NEDD9: variants seen among roughly 807,000 people sequenced by gnomAD.
NEDD9 encodes enhancer of filamentation 1.
In NEDD9, 26 loss-of-function variants were observed where a neutral mutation model predicts 76.6. That is an observed-to-expected ratio of 0.34 (90% confidence interval 0.25 to 0.47). The LOEUF (loss-of-function observed/expected upper bound fraction) is 0.47. NEDD9 is among the 20% of genes least tolerant of loss of function. The pLI, the probability that NEDD9 is intolerant of heterozygous loss-of-function variation, is 1.00. For missense variants in NEDD9, 937 were observed against 1,058.5 expected, an observed-to-expected ratio of 0.89 and a Z score of 1.59; for synonymous variants, 392 against 414.2, an observed-to-expected ratio of 0.95 and a Z score of 0.65.
chr6:11,244,654 A>C (rs1759774379), intron 3 of NEDD9, among the ~76,000 whole-genome samples: 1 of 152,214 alleles, frequency 6.6e-6, no homozygotes, highest in Non-Finnish European at 1.5e-5. Flanking sequence ...GAGTCAATCC[A>C]AGATCTTTTT....
intron 1 of NEDD9, among the ~76,000 whole-genome samples, chr6:11,372,918 A>T (rs544929026): frequency 6.6e-6 from 1 of 152,292 alleles, no homozygotes; most frequent in Admixed American, 6.5e-5. Context: ...CATTTTTTTT[A>T]AATGGATTCT....
chr6:11,328,168 G>A (rs1211654315), intron 2 of NEDD9, among the ~76,000 whole-genome samples: 1 of 152,208 alleles, frequency 6.6e-6, no homozygotes, highest in African/African-American at 2.4e-5. Context: ...GTGGTGCCTG[G>A]GAGTGCGTGC....
intron 3 of NEDD9, among the ~76,000 whole-genome samples, chr6:11,239,365 C>A (rs952799866): frequency 1.3e-5 from 2 of 152,158 alleles, no homozygotes; most frequent in African/African-American, 2.4e-5. Context: ...ATGTAGGTGA[C>A]TGAACCCCAT....
chr6:11,364,318 T>C (rs995035217), intron 1 of NEDD9, among the ~76,000 whole-genome samples: 3 of 152,170 alleles, frequency 2.0e-5, no homozygotes, highest in African/African-American at 7.2e-5. Context: ...TCTGGTTTCT[T>C]CTGTTGCTTT....
intron 3 of NEDD9, chr6:11,304,963 A>T: frequency 1.5e-6 from 1 of 677,550 alleles, no homozygotes. Flanking sequence ...AATTAAAAAA[A>T]CCCACAGTGA....
intron 3 of NEDD9, among the ~76,000 whole-genome samples, chr6:11,265,040 T>C (rs1485003672): frequency 6.6e-6 from 1 of 152,258 alleles, no homozygotes; most frequent in Non-Finnish European, 1.5e-5. Flanking sequence ...TATAGGGACC[T>C]TTTAAGAACT....
chr6:11,191,081 A>G lies in NEDD9; in HGVS notation c.788T>C (p.Ile263Thr). The change falls in exon 5 of 7, where the codon ATT becomes ACT. Residue 263 changes from isoleucine (I) to threonine (T), a missense_variant. Ile to Thr is a moderately conservative substitution (Grantham distance 89). Transcript: ENST00000379446. ...TGCTGGCTTGGTGCAGGTTGGAGGA[A>G]TGTCATAAACCCCCTCCGGTCTGAG... ...PDLRPEGVYD[I>T]PPTCTKPAGK... The G allele has an allele frequency of 6.2e-7, 1 of 1,613,900 alleles. No individual in the cohort carries two copies. The highest frequency in any genetic ancestry group is 8.5e-7 in the Non-Finnish European group (1 of 1,179,994).
intron 2 of NEDD9, among the ~76,000 whole-genome samples, chr6:11,311,370 C>A (rs2113439233): frequency 6.6e-6 from 1 of 152,270 alleles, no homozygotes; most frequent in Middle Eastern, 3.4e-3. Flanking sequence ...GAAACATGGG[C>A]AGATTCTTTC....
intron 2 of NEDD9, among the ~76,000 whole-genome samples, chr6:11,201,649 C>A (rs1027932287): frequency 6.6e-6 from 1 of 152,108 alleles, no homozygotes; most frequent in Non-Finnish European, 1.5e-5. Flanking sequence ...TATACTTCTA[C>A]ATTATCTATC....
In NEDD9 at chr6:11,185,181, A is replaced by G; in HGVS notation, c.2486T>C (p.Leu829Pro). 6.2e-7 allele frequency: 1 copy of G among 1,611,774 alleles called. No homozygotes were observed. Among genetic ancestry groups the G allele is most frequent in the Middle Eastern group, 1.7e-4 (1 of 6,056 alleles). Residue 829 changes from leucine to proline, a missense_variant, in exon 7 of 7, where the codon CTG (leucine) becomes CCG (proline). Physicochemically the swap from Leu to Pro is moderately conservative, Grantham distance 98. Coordinates refer to ENST00000379446, the MANE Select transcript of NEDD9 (RefSeq NM_006403.4). Reference protein sequence around the residue: ...RNAQLFKRSLLEMATF With the variant: ...RNAQLFKRSLPEMATF ...TTCTTCTCAGAACGTTGCCATCTCC[A>G]GCAAAGAGCGCTTGAACAGCTGGGC...
At chr6:11,255,699 G>A (rs1193701754) in intron 3 of NEDD9, among the ~76,000 whole-genome samples, 1 of 152,114 alleles carries the variant, frequency 6.6e-6, no homozygotes, top group Non-Finnish European at 1.5e-5. Context: ...CATAGCCGCT[G>A]GAGCCATGCG....
intron 1 of NEDD9, among the ~76,000 whole-genome samples, chr6:11,371,672 G>A (rs536943929): frequency 6.6e-6 from 1 of 152,304 alleles, no homozygotes. Context: ...TAGATAACAG[G>A]TGAGAAATCG....
At chr6:11,351,108 T>C (rs761300838) in intron 1 of NEDD9, among the ~76,000 whole-genome samples, 1 of 152,116 alleles carries the variant, frequency 6.6e-6, no homozygotes, top group Non-Finnish European at 1.5e-5. Flanking sequence ...GGCAAGAGAT[T>C]CACAGGTGGA....
chr6:11,199,241 G>A (rs1758366299), intron 2 of NEDD9: 2 of 152,190 alleles, frequency 1.3e-5, no homozygotes, highest in Admixed American at 1.3e-4. Context: ...TGGCCCCACT[G>A]GGTCTTTTTC....
In NEDD9 at chr6:11,370,248, T is replaced by G. The variant is rs1052434281; in HGVS notation, c.-214+11891A>C. Among the ~76,000 whole-genome samples, 1 of 152,162 alleles carries G rather than the reference T, an allele frequency of 6.6e-6. No homozygotes were observed. The highest frequency in any genetic ancestry group is 2.4e-5 in the African/African-American group (1 of 41,420). ...ACGCTGCACCGAAGCTCTGCTGACG[T>G]TTTCCTATGCTGAAGCAAGAAGTGA... On this transcript the variant is annotated intron_variant, in intron 1 of 3. Transcript: ENST00000397378. This position sits in a 1 kb window ranked among gnomAD's most constrained non-coding sequence, Gnocchi z 4.2.
intron 3 of NEDD9, among the ~76,000 whole-genome samples, chr6:11,302,074 G>A (rs1761060711): frequency 1.3e-5 from 2 of 152,074 alleles, no homozygotes; most frequent in Non-Finnish European, 1.5e-5. Flanking sequence ...AATGAATCCA[G>A]GAGCTGTTTT....
intron 1 of NEDD9, among the ~76,000 whole-genome samples, chr6:11,365,497 T>A (rs539323392): frequency 1.3e-5 from 2 of 152,318 alleles, no homozygotes; most frequent in African/African-American, 4.8e-5. Context: ...AAGCAAAGCT[T>A]CTTATGTATA....
At chr6:11,223,401 A>G (rs945271686) in intron 1 of NEDD9, among the ~76,000 whole-genome samples, 2 of 152,246 alleles carry the variant, frequency 1.3e-5, no homozygotes, top group Non-Finnish European at 2.9e-5. Flanking sequence ...ATCAAAGCAC[A>G]GTTATTATTA....
chr6:11,219,269 T>G (rs1012805891), intron 1 of NEDD9, among the ~76,000 whole-genome samples: 1 of 152,246 alleles, frequency 6.6e-6, no homozygotes, highest in African/African-American at 2.4e-5. Flanking sequence ...AGAAACGATC[T>G]GCTTTTCCAA....
Sources: allele counts gnomAD v4.1 joint callset (sites outside exome capture counted in the v4.1 genomes callset), GRCh38; gene constraint gnomAD v4.1.1; non-coding constraint Gnocchi (gnomAD v3.1); transcripts MANE v1.5; gene names NCBI Gene and HGNC (gene_info 2026-07-23, HGNC 2026-07-21).